Variants in SLC39A11 observed in about 807,000 individuals in gnomAD.
SLC39A11 encodes zinc transporter ZIP11.
A neutral mutation model predicts 36.1 loss-of-function variants in SLC39A11; 33 were observed. The ratio of observed to expected loss-of-function variants is 0.91; its 90% CI spans 0.69 to 1.22. The LOEUF (loss-of-function observed/expected upper bound fraction) is 1.22. Ranked by LOEUF, SLC39A11 falls within the 50% of genes most tolerant of loss-of-function variation. SLC39A11 has a pLI of 0.00. For missense variants in SLC39A11, 432 were observed against 430.3 expected, an observed-to-expected ratio of 1.00 and a Z score of -0.03; for synonymous variants, 166 against 170.3, an observed-to-expected ratio of 0.97 and a Z score of 0.20.
intron 7 of SLC39A11, among the ~76,000 whole-genome samples, chr17:72,714,330 T>C (rs2073246764): frequency 6.6e-6 from 1 of 152,118 alleles, no homozygotes; most frequent in African/African-American, 2.4e-5. Flanking sequence ...CACTCCAGCC[T>C]GGGTAACAGA....
intron 4 of SLC39A11, among the ~76,000 whole-genome samples, chr17:72,977,335 C>G (rs1305290335): frequency 6.6e-6 from 1 of 152,208 alleles, no homozygotes; most frequent in Non-Finnish European, 1.5e-5. Flanking sequence ...ACTCCGAAAT[C>G]CAGATGAGAA....
chr17:72,894,888 C>T (rs1273104564), intron 5 of SLC39A11, among the ~76,000 whole-genome samples: 1 of 152,028 alleles, frequency 6.6e-6, no homozygotes, highest in Non-Finnish European at 1.5e-5. Context: ...GGATGGTGGG[C>T]TGAAGGTGGA....
At chr17:72,796,138 C>A (rs904778131) in intron 6 of SLC39A11, among the ~76,000 whole-genome samples, 5 of 152,158 alleles carry the variant, frequency 3.3e-5, no homozygotes, top group Admixed American at 1.3e-4. Context: ...GAGGATGAAG[C>A]CCTGGGCTGA....
intron 6 of SLC39A11, among the ~76,000 whole-genome samples, chr17:72,754,848 C>T (rs2075309726): frequency 6.6e-6 from 1 of 152,206 alleles, no homozygotes; most frequent in South Asian, 2.1e-4. Context: ...GGAGTGTGCA[C>T]ATGCAAGCAT....
chr17:72,863,585 T>C (rs8069654), intron 5 of SLC39A11, among the ~76,000 whole-genome samples: 13,799 of 152,164 alleles, frequency 0.091, 966 homozygotes, highest in African/African-American at 0.19. Flanking sequence ...GTCTACCCCA[T>C]AAACCACCTC....
At chr17:72,697,321 G>A (rs1598376202) in intron 7 of SLC39A11, among the ~76,000 whole-genome samples, 1 of 152,324 alleles carries the variant, frequency 6.6e-6, no homozygotes, top group Non-Finnish European at 1.5e-5. Context: ...GAACTCAAGT[G>A]ATCTGCCCAC....
chr17:72,663,250 C>T (rs1264561220), intron 7 of SLC39A11, among the ~76,000 whole-genome samples: 1 of 152,162 alleles, frequency 6.6e-6, no homozygotes, highest in Non-Finnish European at 1.5e-5. Context: ...GAGCAGAAAC[C>T]GACAACTCTC....
At chr17:72,966,007 A>G (rs985733976) in intron 4 of SLC39A11, among the ~76,000 whole-genome samples, 16 of 152,212 alleles carry the variant, frequency 1.1e-4, no homozygotes, top group African/African-American at 3.9e-4. Flanking sequence ...ACCCCTCCCC[A>G]TAAGTTTCCA....
chr17:73,087,668 G>A (rs898577724), intron 2 of SLC39A11, among the ~76,000 whole-genome samples: 2 of 152,086 alleles, frequency 1.3e-5, no homozygotes, highest in African/African-American at 4.8e-5. Flanking sequence ...ACTATAGGTA[G>A]AGCGTGTAGA....
chr17:72,803,340 A>G (rs150916957), intron 6 of SLC39A11, among the ~76,000 whole-genome samples: 1 of 152,248 alleles, frequency 6.6e-6, no homozygotes, highest in Non-Finnish European at 1.5e-5. Flanking sequence ...CCAAAGGCAG[A>G]CTCTGCCGGC....
intron 7 of SLC39A11, among the ~76,000 whole-genome samples, chr17:72,702,179 A>G (rs924245385): frequency 1.3e-5 from 2 of 152,250 alleles, no homozygotes; most frequent in Admixed American, 6.5e-5. Context: ...ATACCAATCC[A>G]CATGCTCTCA....
intron 6 of SLC39A11, among the ~76,000 whole-genome samples, chr17:72,833,928 A>C (rs2078398137): frequency 6.6e-6 from 1 of 152,198 alleles, no homozygotes; most frequent in African/African-American, 2.4e-5. Context: ...CAGCATCCTG[A>C]ATTTATCAGA....
At chr17:72,797,165 T>C (rs912302422) in intron 6 of SLC39A11, among the ~76,000 whole-genome samples, 1 of 152,160 alleles carries the variant, frequency 6.6e-6, no homozygotes, top group Admixed American at 6.5e-5. Flanking sequence ...GTTTACCATC[T>C]TGCTGAGGAT....
intron 7 of SLC39A11, among the ~76,000 whole-genome samples, chr17:72,681,605 T>C (rs1372397880): frequency 6.6e-6 from 1 of 152,166 alleles, no homozygotes; most frequent in Non-Finnish European, 1.5e-5. Flanking sequence ...CTGCAGACAT[T>C]TTCACATTCT....
intron 5 of SLC39A11, among the ~76,000 whole-genome samples, chr17:72,855,857 A>C (rs1373023163): frequency 6.6e-6 from 1 of 151,946 alleles, no homozygotes; most frequent in Non-Finnish European, 1.5e-5. Flanking sequence ...AGATGGCGCC[A>C]CTGCACTCCA....
At chr17:72,940,862 T>C (rs1201636652) in intron 5 of SLC39A11, among the ~76,000 whole-genome samples, 1 of 152,148 alleles carries the variant, frequency 6.6e-6, no homozygotes, top group Non-Finnish European at 1.5e-5. Context: ...TATGTTGAAG[T>C]CCTAACGCCC....
intron 7 of SLC39A11, among the ~76,000 whole-genome samples, chr17:72,718,311 C>A (rs989612120): frequency 1.3e-5 from 2 of 152,088 alleles, no homozygotes; most frequent in East Asian, 1.9e-4. Flanking sequence ...TAGTGGCAGG[C>A]GCCTGTAATC....
chr17:72,878,320 A>T (rs2081025892), intron 5 of SLC39A11, among the ~76,000 whole-genome samples: 1 of 152,148 alleles, frequency 6.6e-6, no homozygotes, highest in Admixed American at 6.5e-5. Context: ...GGGTATCTGG[A>T]TGTTTCACTT....
At position 72,818,343 on chromosome 17, in the gene SLC39A11, T is replaced by C. The variant is rs904253569; in HGVS notation, c.601+31291A>G. 2.0e-5 allele frequency among the ~76,000 whole-genome samples: 3 copies of C among 152,138 alleles called. No homozygotes were observed. In the East Asian group the frequency reaches 5.8e-4, roughly 29 times the overall value. ...GGCTGTGGCAGTCTCTTCTATCTTGTAGCTCCTTGGACACCTGGAGAGGTA... is the reference window on the plus strand; with the variant it reads ...GGCTGTGGCAGTCTCTTCTATCTTGCAGCTCCTTGGACACCTGGAGAGGTA... On this transcript the variant is annotated intron_variant, in intron 6 of 9. Transcript: ENST00000255559.
Sources: gnomAD v4.1 joint callset for allele counts (sites outside exome capture counted in the v4.1 genomes callset) on GRCh38, gnomAD v4.1.1 for gene constraint, MANE v1.5 for transcripts, NCBI Gene and HGNC (gene_info 2026-07-23, HGNC 2026-07-21) for gene names.